PLXDC2: variants seen among roughly 807,000 people sequenced by gnomAD.
PLXDC2 encodes plexin domain containing 2, also known as plexin domain-containing protein 2.
In PLXDC2, 40 loss-of-function variants were observed where a neutral mutation model predicts 68.9. The observed-to-expected ratio is 0.58, with a 90% confidence interval of 0.45 to 0.76. PLXDC2 has a LOEUF of 0.76. Among genes scored for constraint, PLXDC2 ranks in the 30% least tolerant of loss-of-function variants. The pLI is 0.00. For missense variants in PLXDC2, 644 were observed against 661.9 expected (o/e 0.97, Z 0.30); for synonymous variants, 243 against 234.2 (o/e 1.04, Z -0.34).
intron 4 of PLXDC2, among the ~76,000 whole-genome samples, chr10:20,068,707 C>G (rs896913356): frequency 4.0e-5 from 6 of 150,530 alleles, no homozygotes. Flanking sequence ...TAGCTTTGAT[C>G]ATTTTTTTTC....
chr10:19,819,531 C>G (rs1836425629), intron 1 of PLXDC2, among the ~76,000 whole-genome samples: 2 of 152,186 alleles, frequency 1.3e-5, no homozygotes, highest in Admixed American at 1.3e-4. Flanking sequence ...CAATCAGGAT[C>G]TTTATTACAG....
chr10:19,981,789 A>G (rs1367752371), intron 1 of PLXDC2, among the ~76,000 whole-genome samples: 1 of 152,268 alleles, frequency 6.6e-6, no homozygotes, highest in African/African-American at 2.4e-5. Flanking sequence ...ACTTCATACA[A>G]TAATGGATTA....
chr10:19,943,534 T>C (rs1038345245), intron 1 of PLXDC2, among the ~76,000 whole-genome samples: 3 of 152,226 alleles, frequency 2.0e-5, no homozygotes, highest in Non-Finnish European at 2.9e-5. Flanking sequence ...CATATACTAA[T>C]GGCATGGCTT....
chr10:20,268,371 C>T (rs1462461683), intron 13 of PLXDC2, among the ~76,000 whole-genome samples: 1 of 152,092 alleles, frequency 6.6e-6, no homozygotes, highest in Admixed American at 6.6e-5. Context: ...TTTAAAGTTT[C>T]TTTAAAACTT....
chr10:20,040,698 C>T (rs1422651899), intron 2 of PLXDC2, among the ~76,000 whole-genome samples: 1 of 152,100 alleles, frequency 6.6e-6, no homozygotes, highest in East Asian at 1.9e-4. Flanking sequence ...TATCCCCTCC[C>T]TCACCTTTCC....
intron 1 of PLXDC2, among the ~76,000 whole-genome samples, chr10:19,996,695 T>TA (rs1181440015): frequency 3.3e-5 from 5 of 152,106 alleles, no homozygotes; most frequent in African/African-American, 1.2e-4. Context: ...AATAAAGACA[T>TA]ACGTGAAACT....
intron 1 of PLXDC2, among the ~76,000 whole-genome samples, chr10:19,982,660 T>A (rs1245057851): frequency 6.6e-6 from 1 of 152,108 alleles, no homozygotes; most frequent in Non-Finnish European, 1.5e-5. Context: ...ACAGTAAGTT[T>A]TTTTGTTGTT....
At chr10:19,824,663 G>C (rs1836538837) in intron 1 of PLXDC2, among the ~76,000 whole-genome samples, 1 of 152,130 alleles carries the variant, frequency 6.6e-6, no homozygotes, top group Non-Finnish European at 1.5e-5. Context: ...AGAATGACAG[G>C]CTAAGTAGTG....
chr10:19,918,889 G>A (rs920634352), intron 1 of PLXDC2, among the ~76,000 whole-genome samples: 17 of 152,206 alleles, frequency 1.1e-4, no homozygotes, highest in Admixed American at 1.1e-3. Context: ...CATGTATGGA[G>A]TGCAAGTTGA....
At chr10:20,023,304 C>T (rs1300996498) in intron 2 of PLXDC2, among the ~76,000 whole-genome samples, 9 of 151,996 alleles carry the variant, frequency 5.9e-5, no homozygotes, top group Non-Finnish European at 1.5e-5. Context: ...TACTGCTTTA[C>T]AAATTCTTTA....
rs553569258 is a variant in PLXDC2 at position 20,021,918 on chromosome 10, C to T, written c.324+19932C>T. ...TTCACCACGTTGGTCAGGCTGGTCTCGAACTCCTGACCTCGTGATCCGCCC... is the reference window on the plus strand; with the variant it reads ...TTCACCACGTTGGTCAGGCTGGTCTTGAACTCCTGACCTCGTGATCCGCCC... On this transcript the variant is annotated intron_variant, in intron 2 of 13. Transcript: ENST00000377252. Among the ~76,000 whole-genome samples the T allele has an allele frequency of 8.6e-4, 131 of 152,106 alleles. 1 individual carries two copies. Among genetic ancestry groups the T allele is most frequent in the African/African-American group, 2.9e-3 (122 of 41,488 alleles).
chr10:20,262,550 G>C (rs1003528881), intron 13 of PLXDC2, among the ~76,000 whole-genome samples: 27 of 152,136 alleles, frequency 1.8e-4, no homozygotes, highest in Admixed American at 1.0e-3. Context: ...AGGCTTCAGA[G>C]AGTCTGAGCC....
At chr10:19,929,153 C>T (rs574823050) in intron 1 of PLXDC2, among the ~76,000 whole-genome samples, 161 of 151,608 alleles carry the variant, frequency 1.1e-3, no homozygotes, top group Non-Finnish European at 1.8e-3. Context: ...CTGAGGTGGG[C>T]GGATTGCATG....
At chr10:19,939,444 A>G (rs149046969) in intron 1 of PLXDC2, among the ~76,000 whole-genome samples, 1 of 152,318 alleles carries the variant, frequency 6.6e-6, no homozygotes, top group East Asian at 1.9e-4. Flanking sequence ...GGGTTTTCTC[A>G]ATGATAGTTA....
intron 2 of PLXDC2, among the ~76,000 whole-genome samples, chr10:20,017,493 T>C (rs1051956322): frequency 1.3e-5 from 2 of 152,208 alleles, no homozygotes; most frequent in African/African-American, 4.8e-5. Context: ...CCTGAAGTAT[T>C]ATGTATCTGC....
intron 1 of PLXDC2, among the ~76,000 whole-genome samples, chr10:19,830,973 G>A (rs1250147644): frequency 6.7e-6 from 1 of 149,040 alleles, no homozygotes; most frequent in Non-Finnish European, 1.5e-5. Flanking sequence ...GCTCTATGAG[G>A]GTAGGAACCA....
At chr10:19,891,753 C>A (rs2131360384) in intron 1 of PLXDC2, among the ~76,000 whole-genome samples, 1 of 152,276 alleles carries the variant, frequency 6.6e-6, no homozygotes, top group African/African-American at 2.4e-5. Context: ...GCTGTTATAA[C>A]TTAGTTTTTG....
At chr10:20,208,111 A>G (rs1393734513) in intron 9 of PLXDC2, among the ~76,000 whole-genome samples, 1 of 152,144 alleles carries the variant, frequency 6.6e-6, no homozygotes, top group African/African-American at 2.4e-5. Context: ...AAATATATAG[A>G]TATCTATTTA....
At chr10:20,066,293 A>G (rs940549633) in intron 3 of PLXDC2, among the ~76,000 whole-genome samples, 3 of 152,190 alleles carry the variant, frequency 2.0e-5, no homozygotes, top group African/African-American at 7.2e-5. Flanking sequence ...AATTCCAAAC[A>G]TATTTGAATA....
Sources: gnomAD v4.1 joint callset for allele counts (sites outside exome capture counted in the v4.1 genomes callset) on GRCh38, gnomAD v4.1.1 for gene constraint, MANE v1.5 for transcripts, NCBI Gene and HGNC (gene_info 2026-07-23, HGNC 2026-07-21) for gene names.